MARCHF1: variants seen among roughly 807,000 people sequenced by gnomAD.
The protein encoded by MARCHF1 is E3 ubiquitin-protein ligase MARCHF1.
MARCHF1 carries 40 observed loss-of-function variants against 54.2 expected under a neutral mutation model. The ratio of observed to expected loss-of-function variants is 0.74; its 90% CI spans 0.57 to 0.96. MARCHF1 has a LOEUF of 0.96. MARCHF1 is among the 40% of genes least tolerant of loss of function. The probability of loss-of-function intolerance (pLI) is 0.00; values close to 1 mark genes in which losing one functional copy is unlikely to be tolerated. For synonymous variants in MARCHF1, 236 were observed against 236.3 expected (o/e 1.00, Z 0.01); for missense variants, 586 against 656.5 (o/e 0.89, Z 1.17).
intron 1 of MARCHF1, among the ~76,000 whole-genome samples, chr4:164,185,699 C>T (rs1288084608): frequency 6.6e-6 from 1 of 151,694 alleles, no homozygotes. Flanking sequence ...TAAGAAGATA[C>T]CTATATGATC....
intron 5 of MARCHF1, among the ~76,000 whole-genome samples, chr4:163,630,521 T>C (rs955122019): frequency 3.9e-5 from 6 of 152,212 alleles, no homozygotes; most frequent in Non-Finnish European, 7.3e-5. Context: ...TAATCAAAAC[T>C]CATTGGCTTG....
chr4:163,941,667 T>A (rs1359961777), intron 3 of MARCHF1, among the ~76,000 whole-genome samples: 7 of 152,084 alleles, frequency 4.6e-5, no homozygotes, highest in Non-Finnish European at 1.0e-4. Context: ...TCAGAGACAT[T>A]CCTCCATTTT....
chr4:163,865,653 T>C (rs1203303326), intron 3 of MARCHF1, among the ~76,000 whole-genome samples: 1 of 151,830 alleles, frequency 6.6e-6, no homozygotes, highest in Non-Finnish European at 1.5e-5. Context: ...TTATAACAGA[T>C]AGGCATGAGT....
intron 4 of MARCHF1, among the ~76,000 whole-genome samples, chr4:163,795,521 T>C (rs1747891425): frequency 6.6e-6 from 1 of 152,204 alleles, no homozygotes; most frequent in Non-Finnish European, 1.5e-5. Flanking sequence ...TAAGCCACCA[T>C]GCCCAGCATC....
intron 1 of MARCHF1, among the ~76,000 whole-genome samples, chr4:164,244,341 C>T (rs545955494): frequency 6.6e-6 from 1 of 152,134 alleles, no homozygotes; most frequent in South Asian, 2.1e-4. Context: ...ACTGAACAAC[C>T]TGCTCCTGAA....
chr4:164,371,260 C>A (rs1229117644), intron 1 of MARCHF1, among the ~76,000 whole-genome samples: 4 of 152,108 alleles, frequency 2.6e-5, no homozygotes, highest in African/African-American at 4.8e-5. Flanking sequence ...AAAATTAATT[C>A]CAACTGGGCC....
At chr4:163,571,954 C>T (rs1739854476) in intron 8 of MARCHF1, among the ~76,000 whole-genome samples, 1 of 152,110 alleles carries the variant, frequency 6.6e-6, no homozygotes, top group Non-Finnish European at 1.5e-5. Context: ...AGCGAAGGTA[C>T]TTATATCTGG....
At chr4:164,259,586 G>GAAAAAAAA (rs949088358) in intron 1 of MARCHF1, among the ~76,000 whole-genome samples, 1 of 120,082 alleles carries the variant, frequency 8.3e-6, no homozygotes, top group African/African-American at 3.3e-5. Flanking sequence ...AAAGAAAAAA[G>GAAAAAAAA]AAAAAAAAAA....
chr4:163,974,224 GGT>G (rs1289014267), intron 3 of MARCHF1, among the ~76,000 whole-genome samples: 1 of 152,184 alleles, frequency 6.6e-6, no homozygotes, highest in Non-Finnish European at 1.5e-5. Flanking sequence ...AATAGAGGAT[GGT>G]GGAAATAAGA....
At chr4:163,696,804 C>A (rs778571176) in intron 5 of MARCHF1, among the ~76,000 whole-genome samples, 1 of 152,114 alleles carries the variant, frequency 6.6e-6, no homozygotes, top group East Asian at 1.9e-4. Flanking sequence ...AAGAAATTTT[C>A]TCTGCTGCTA....
chr4:163,929,592 C>A (rs1225242325), intron 3 of MARCHF1, among the ~76,000 whole-genome samples: 1 of 151,758 alleles, frequency 6.6e-6, no homozygotes, highest in African/African-American at 2.4e-5. Context: ...AACTGTGGCA[C>A]CTTCTAATGC....
intron 8 of MARCHF1, among the ~76,000 whole-genome samples, chr4:163,581,617 G>A (rs1194314200): frequency 1.3e-5 from 2 of 152,152 alleles, no homozygotes; most frequent in Non-Finnish European, 2.9e-5. Context: ...AAAGATGAAT[G>A]CTACATCAAA....
At chr4:164,268,019 A>G (rs1733652134) in intron 1 of MARCHF1, among the ~76,000 whole-genome samples, 1 of 152,120 alleles carries the variant, frequency 6.6e-6, no homozygotes, top group South Asian at 2.1e-4. Flanking sequence ...TGGACAAATA[A>G]ATCATCAAAG....
At chr4:163,832,724 T>C (rs1749064009) in intron 4 of MARCHF1, among the ~76,000 whole-genome samples, 1 of 148,618 alleles carries the variant, frequency 6.7e-6, no homozygotes, top group Admixed American at 6.7e-5. Flanking sequence ...TATCTCCTAA[T>C]GCTATCCCTC....
intron 1 of MARCHF1, among the ~76,000 whole-genome samples, chr4:164,259,539 T>A (rs1579668703): frequency 1.3e-5 from 1 of 78,456 alleles, no homozygotes; most frequent in Non-Finnish European, 2.3e-5. Context: ...AGTGGGACCG[T>A]GTCTCAAAAA....
chr4:164,176,022 G>C (rs564165708), intron 1 of MARCHF1, among the ~76,000 whole-genome samples: 1 of 152,222 alleles, frequency 6.6e-6, no homozygotes, highest in South Asian at 2.1e-4. Context: ...ACCTACATTT[G>C]CTGGAATATG....
chr4:164,106,784 A>T (rs1245552964), intron 2 of MARCHF1, among the ~76,000 whole-genome samples: 1 of 151,966 alleles, frequency 6.6e-6, no homozygotes, highest in South Asian at 2.1e-4. Context: ...AAAAATAAAA[A>T]AAAAAAAGGA....
chr4:163,873,001 G>A (rs1436837071), intron 3 of MARCHF1, among the ~76,000 whole-genome samples: 3 of 151,600 alleles, frequency 2.0e-5, no homozygotes, highest in Admixed American at 1.3e-4. Flanking sequence ...CCGAGATCGC[G>A]CCACTGCACT....
At chr4:164,291,441 C>G (rs1043561313) in intron 1 of MARCHF1, among the ~76,000 whole-genome samples, 1 of 152,006 alleles carries the variant, frequency 6.6e-6, no homozygotes, top group Admixed American at 6.6e-5. Context: ...TCTGGACTAA[C>G]ATTTTACATG....
Sources: gnomAD v4.1 joint callset for allele counts (sites outside exome capture counted in the v4.1 genomes callset) on GRCh38, gnomAD v4.1.1 for gene constraint, MANE v1.5 for transcripts, NCBI Gene and HGNC (gene_info 2026-07-23, HGNC 2026-07-21) for gene names.